DENND4C: variants seen among roughly 807,000 people sequenced by gnomAD.
The protein encoded by DENND4C is DENN domain containing 4C, also known as DENN domain-containing protein 4C.
DENND4C carries 108 observed loss-of-function variants against 203.0 expected under a neutral mutation model. The observed-to-expected ratio is 0.53, with a 90% CI of 0.46 to 0.62. The LOEUF is 0.62. DENND4C is among the 20% of genes least tolerant of loss of function. The probability of loss-of-function intolerance (pLI) is 0.00; values close to 1 mark genes in which losing one functional copy is unlikely to be tolerated. For missense variants in DENND4C, 2,481 were observed against 2,301.2 expected (o/e 1.08, Z -1.60); for synonymous variants, 871 against 792.4 (o/e 1.10, Z -1.67).
chr9:19,360,532 T>C, intron 29 of DENND4C, 43 bp downstream of exon 29: 1 of 1,611,214 alleles, frequency 6.2e-7, no homozygotes, highest in Non-Finnish European at 8.5e-7. Context: ...TTCAGTAGGA[T>C]GAGGCTTAAC....
chr9:19,346,884 C>T lies in DENND4C; in HGVS notation c.4115C>T (p.Ser1372Leu). Reference sequence around the variant, plus strand: ...CCCTCTCGAACTCATAAAGAACGTTCAACTTCTTTGTCAGCACTGGTGCGT... The same window carrying T: ...CCCTCTCGAACTCATAAAGAACGTTTAACTTCTTTGTCAGCACTGGTGCGT... ...QTPSRTHKER[S>L]TSLSALVRSS... The change falls in exon 23 of 33, where the codon TCA (serine) becomes TTA (leucine). Residue 1372 changes from serine to leucine, a missense_variant. This residue lies in a region of DENND4C where 2,289 missense variants were observed against 2,113.3 expected (regional missense o/e 1.08). Transcript: ENST00000434457. The T allele has an allele frequency of 2.5e-6, 4 of 1,614,098 alleles. No homozygotes were observed. The highest frequency in any genetic ancestry group is 4.5e-5 in the East Asian group (2 of 44,898).
chr9:19,308,216 G>A lies in DENND4C; in HGVS notation c.1487+2689G>A, dbSNP rs116495407. Among the ~76,000 whole-genome samples, 245 of 152,236 alleles carry A rather than the reference G, an allele frequency of 1.6e-3. 2 individuals are homozygous for A. The highest frequency in any genetic ancestry group is 5.5e-3 in the African/African-American group (228 of 41,542). On this transcript the variant is annotated intron_variant, in intron 10 of 32. Transcript: ENST00000434457. ...TCCTCTGAAGCATATACCTGGAAGC[G>A]CTAATGTTGCTTGGTAGGGAATGAG...
chr9:19,366,896 T>C (rs1431967735), intron 30 of DENND4C, among the ~76,000 whole-genome samples: 1 of 152,228 alleles, frequency 6.6e-6, no homozygotes, highest in East Asian at 1.9e-4. Flanking sequence ...ATTTAAACCA[T>C]CAAAAAAGTG....
intron 10 of DENND4C, among the ~76,000 whole-genome samples, chr9:19,305,769 A>G (rs1839530258): frequency 6.6e-6 from 1 of 152,180 alleles, no homozygotes; most frequent in Admixed American, 6.5e-5. Flanking sequence ...AGCAGGAGAT[A>G]TTTATGTTTA....
chr9:19,342,891 C>A, intron 22 of DENND4C, 112 bp downstream of exon 22: 2 of 843,524 alleles, frequency 2.4e-6, no homozygotes, highest in South Asian at 4.1e-5. Context: ...TGCTAAAGAG[C>A]CAGAAGGGAC....
intron 10 of DENND4C, among the ~76,000 whole-genome samples, chr9:19,309,320 G>T (rs1349148028): frequency 6.6e-6 from 1 of 151,916 alleles, no homozygotes; most frequent in Non-Finnish European, 1.5e-5. Flanking sequence ...TATCCGGGAG[G>T]CTGAGGCAGG....
chr9:19,362,034 G>A (rs1826599451), intron 30 of DENND4C, 71 bp downstream of exon 30: 4 of 956,636 alleles, frequency 4.2e-6, no homozygotes, highest in Non-Finnish European at 4.9e-6. Flanking sequence ...AGCACTTTGG[G>A]AGGCCTAGGC....
chr9:19,232,055 G>C (rs1488223441), intron 1 of DENND4C, among the ~76,000 whole-genome samples: 1 of 152,114 alleles, frequency 6.6e-6, no homozygotes, highest in African/African-American at 2.4e-5. Flanking sequence ...GTTGCAAAAG[G>C]AAGTTTTCAT....
chr9:19,264,283 A>G (rs1456128355), intron 1 of DENND4C, among the ~76,000 whole-genome samples: 1 of 149,678 alleles, frequency 6.7e-6, no homozygotes, highest in Non-Finnish European at 1.5e-5. Context: ...GTTTATTGGT[A>G]TATAGTTGCT....
rs1842491045 is a variant in DENND4C, at chr9:19,319,411, T to TATATATACATATATATATACACACAC, written c.1807+2579_1807+2580insCATATATATATACACACACATATATA. Reference sequence around the variant, plus strand: ...ATATATACATATATATATACACACATATATATATACATATATATATACACA... The same window carrying TATATATACATATATATATACACACAC: ...ATATATACATATATATATACACACATATATATACATATATATATACACACACATATATATACATATATATATACACA... On this transcript the variant is annotated intron_variant, in intron 12 of 32. Transcript: ENST00000434457. Among the ~76,000 whole-genome samples, 14 of 141,978 alleles carry TATATATACATATATATATACACACAC rather than the reference T, an allele frequency of 9.9e-5. 1 individual carries two copies. Among genetic ancestry groups the TATATATACATATATATATACACACAC allele is most frequent in the Admixed American group, 3.9e-4 (5 of 12,784 alleles). The allele number at this position is 141,978 out of a possible 152,430, so 93.1% of individuals were successfully genotyped here.
intron 8 of DENND4C, among the ~76,000 whole-genome samples, chr9:19,299,653 T>C (rs1420810676): frequency 6.6e-6 from 1 of 152,240 alleles, no homozygotes; most frequent in Admixed American, 6.5e-5. Context: ...GTAGGCTTCC[T>C]TGATGTCTTA....
rs994250927 is a variant in DENND4C, at chr9:19,366,051, C to T, written c.5525-3786C>T. Among the ~76,000 whole-genome samples, 25 of 152,260 alleles carry T rather than the reference C, an allele frequency of 1.6e-4. 2 individuals are homozygous for T. The highest frequency in any genetic ancestry group is 5.2e-4 in the Admixed American group (8 of 15,296). On this transcript the variant is annotated intron_variant, in intron 30 of 32. Coordinates refer to ENST00000434457, the MANE Select transcript of DENND4C (RefSeq NM_001330640.2). ...ATCAGAATTTCAGGTAGCTTCTTTA[C>T]GTAAATTGACAAGTGAATCTTGAAA... is the stretch of plus-strand genomic sequence containing the variant.
intron 10 of DENND4C, 54 bp downstream of exon 10, chr9:19,305,581 T>G: frequency 1.3e-6 from 2 of 1,513,198 alleles, no homozygotes; most frequent in Non-Finnish European, 8.9e-7. Context: ...CTATGTAGAG[T>G]TACAGTTCTT....
At chr9:19,303,374 C>T (rs1167794902) in intron 9 of DENND4C, among the ~76,000 whole-genome samples, 1 of 152,146 alleles carries the variant, frequency 6.6e-6, no homozygotes, top group East Asian at 1.9e-4. Flanking sequence ...CAAATCCTGC[C>T]TGCCACTTGT....
At chr9:19,332,449 C>T (rs947374455) in intron 17 of DENND4C, among the ~76,000 whole-genome samples, 1 of 151,628 alleles carries the variant, frequency 6.6e-6, no homozygotes, top group Non-Finnish European at 1.5e-5. Flanking sequence ...CTCTGCCTCC[C>T]GGGTTCAGAC....
At chr9:19,263,040 A>G (rs1829742060) in intron 1 of DENND4C, among the ~76,000 whole-genome samples, 1 of 152,208 alleles carries the variant, frequency 6.6e-6, no homozygotes, top group African/African-American at 2.4e-5. Context: ...CTTTTAATAT[A>G]ATACTAAATG....
At chr9:19,290,987 G>A (rs1564124431) in intron 5 of DENND4C, 111 bp downstream of exon 5, 2 of 1,152,810 alleles carry the variant, frequency 1.7e-6, no homozygotes, top group Non-Finnish European at 2.4e-6. Context: ...GATACATTTT[G>A]GTTTAAATTT....
chr9:19,256,317 T>G (rs1300387767), intron 1 of DENND4C, among the ~76,000 whole-genome samples: 53 of 133,542 alleles, frequency 4.0e-4, no homozygotes, highest in Middle Eastern at 3.6e-3. Context: ...TTGTTTTTTT[T>G]TTTTTTTTTG....
Position 19,372,060 on chromosome 9 carries a change from A to G in DENND4C, c.5764A>G (p.Ile1922Val). ...DIEAFDNEYG[I>V]AYNSLSSEIL... ...AGAGGCATTTGACAATGAATATGGA[A>G]TTGCATACAATAGTCTGTCTTCAGA... The change falls in exon 33 of 33, where the codon ATT becomes GTT. Residue 1922 changes from isoleucine (I) to valine (V), a missense_variant. Physicochemically the swap from Ile to Val is conservative, Grantham distance 29. Transcript: ENST00000434457. 2 of 1,610,342 alleles carry G rather than the reference A, an allele frequency of 1.2e-6. No individual in the cohort carries two copies. Among genetic ancestry groups the G allele is most frequent in the Non-Finnish European group, 1.7e-6 (2 of 1,179,118 alleles).
Sources: allele counts gnomAD v4.1 joint callset (sites outside exome capture counted in the v4.1 genomes callset), GRCh38; gene constraint gnomAD v4.1.1; regional missense constraint gnomAD v4.1.1; transcripts MANE v1.5; gene names NCBI Gene and HGNC (gene_info 2026-07-23, HGNC 2026-07-21).